The following NLGN1 variants were observed in gnomAD, a reference collection of about 807,000 sequenced individuals.
The protein encoded by NLGN1 is neuroligin 1, also known as neuroligin-1.
In NLGN1, 12 loss-of-function variants were observed where a neutral mutation model predicts 65.5. The ratio of observed to expected loss-of-function variants is 0.18; its 90% CI spans 0.12 to 0.30. The LOEUF (loss-of-function observed/expected upper bound fraction) is 0.30. Among genes scored for constraint, NLGN1 ranks in the 10% least tolerant of loss-of-function variants. The pLI is 1.00. For synonymous variants in NLGN1, 350 were observed against 359.5 expected (o/e 0.97, Z 0.30); for missense variants, 750 against 1,007.1 (o/e 0.74, Z 3.46).
At position 173,553,147 on chromosome 3, in the gene NLGN1, T is replaced by G. The variant is rs115046568; in HGVS notation, c.-320-51132T>G. On this transcript the variant is annotated intron_variant, in intron 2 of 6. Coordinates refer to ENST00000457714, the Ensembl canonical transcript of NLGN1. ...TCCAAATTGTAAATACTTGGAGGATTCGCCTTGAAAATCCAAATTCCCAAA... is the reference window on the plus strand; with the variant it reads ...TCCAAATTGTAAATACTTGGAGGATGCGCCTTGAAAATCCAAATTCCCAAA... Among the ~76,000 whole-genome samples, 401 of 152,306 alleles carry G rather than the reference T, an allele frequency of 2.6e-3. 1 individual carries two copies. Among genetic ancestry groups the G allele is most frequent in the African/African-American group, 8.8e-3 (366 of 41,574 alleles).
chr3:174,095,480 TGTG>T (rs1163130742), intron 4 of NLGN1, among the ~76,000 whole-genome samples: 2 of 104,896 alleles, frequency 1.9e-5, no homozygotes, highest in Admixed American at 8.4e-5. Flanking sequence ...TGTGTATGCT[TGTG>T]TGTGTGTGTG....
intron 2 of NLGN1, among the ~76,000 whole-genome samples, chr3:173,447,074 A>T (rs1165423987): frequency 1.3e-5 from 2 of 151,762 alleles, no homozygotes; most frequent in East Asian, 3.9e-4. Flanking sequence ...TTGAATTAGA[A>T]CCCATTTGTC....
intron 2 of NLGN1, among the ~76,000 whole-genome samples, chr3:173,539,775 C>T (rs1408665933): frequency 9.0e-6 from 1 of 111,000 alleles, no homozygotes; most frequent in Non-Finnish European, 1.7e-5. Context: ...ACATATATAA[C>T]ACATATATAT....
chr3:174,251,374 T>C (rs1744740274), intron 4 of NLGN1, among the ~76,000 whole-genome samples: 1 of 152,174 alleles, frequency 6.6e-6, no homozygotes. Flanking sequence ...GACCTTTTGG[T>C]GAGCTGCCGC....
intron 4 of NLGN1, among the ~76,000 whole-genome samples, chr3:174,192,945 G>A (rs958529601): frequency 2.6e-5 from 4 of 151,496 alleles, no homozygotes; most frequent in Non-Finnish European, 5.9e-5. Flanking sequence ...TTTTAATGTC[G>A]TTTATCCATA....
At chr3:173,806,889 A>G (rs114936716) in intron 3 of NLGN1, among the ~76,000 whole-genome samples, 219 of 152,310 alleles carry the variant, frequency 1.4e-3, no homozygotes, top group African/African-American at 5.1e-3. Context: ...ATCCCATCCC[A>G]TGTCTACATG....
intron 4 of NLGN1, among the ~76,000 whole-genome samples, chr3:174,004,657 T>C (rs11920697): frequency 0.24 from 35,923 of 152,036 alleles, 4,427 homozygotes; most frequent in East Asian, 0.34. Context: ...ATTTTCTGAA[T>C]GCAAAGATGA....
intron 4 of NLGN1, among the ~76,000 whole-genome samples, chr3:174,086,079 ATTC>A (rs1743172097): frequency 6.6e-6 from 1 of 151,872 alleles, no homozygotes; most frequent in South Asian, 2.1e-4. Context: ...TATGAAAGTT[ATTC>A]TTTTCTGATC....
intron 2 of NLGN1, among the ~76,000 whole-genome samples, chr3:173,445,647 C>T (rs953978382): frequency 6.6e-6 from 1 of 152,170 alleles, no homozygotes; most frequent in Non-Finnish European, 1.5e-5. Flanking sequence ...CAGTTTTCTT[C>T]CACATTAAAT....
intron 3 of NLGN1, among the ~76,000 whole-genome samples, chr3:173,802,750 A>T (rs1213824829): frequency 6.6e-6 from 1 of 151,880 alleles, no homozygotes; most frequent in African/African-American, 2.4e-5. Context: ...CCCTCCACCT[A>T]TGCTTCATTT....
intron 4 of NLGN1, among the ~76,000 whole-genome samples, chr3:174,272,726 T>TAGATAGAA (rs1749700312): frequency 6.6e-6 from 1 of 151,162 alleles, no homozygotes; most frequent in Admixed American, 6.6e-5. Flanking sequence ...GATAGAAAGA[T>TAGATAGAA]AGATAGATGA....
At chr3:173,450,595 G>T (rs1215551602) in intron 2 of NLGN1, among the ~76,000 whole-genome samples, 3 of 152,270 alleles carry the variant, frequency 2.0e-5, no homozygotes, top group South Asian at 2.1e-4. Flanking sequence ...TTTCCTGAAT[G>T]TGAATGTTGG....
At chr3:173,935,897 T>G (rs908304982) in intron 4 of NLGN1, among the ~76,000 whole-genome samples, 1 of 151,940 alleles carries the variant, frequency 6.6e-6, no homozygotes, top group African/African-American at 2.4e-5. Context: ...CTAATACAGA[T>G]TTTGAGACAC....
At chr3:173,943,229 C>A (rs554960907) in intron 4 of NLGN1, among the ~76,000 whole-genome samples, 41 of 148,984 alleles carry the variant, frequency 2.8e-4, no homozygotes, top group African/African-American at 5.2e-4. Flanking sequence ...GTCTCAAAAA[C>A]AAAAAAAAAT....
chr3:173,442,340 A>G (rs906788608), intron 2 of NLGN1, among the ~76,000 whole-genome samples: 9 of 152,178 alleles, frequency 5.9e-5, no homozygotes, highest in Admixed American at 3.3e-4. Context: ...TTTTTCATGT[A>G]AAATTACTGA....
intron 2 of NLGN1, among the ~76,000 whole-genome samples, chr3:173,535,053 C>G (rs1227654895): frequency 6.6e-6 from 1 of 152,068 alleles, no homozygotes; most frequent in Admixed American, 6.6e-5. Flanking sequence ...GCTGAGAGTG[C>G]CCGTTTCAAA....
At chr3:173,825,016 C>T (rs1721058079) in intron 4 of NLGN1, among the ~76,000 whole-genome samples, 1 of 151,984 alleles carries the variant, frequency 6.6e-6, no homozygotes, top group Admixed American at 6.6e-5. Context: ...ATCTGGCAGC[C>T]CTAAAGTGGG....
chr3:173,742,711 A>G (rs1475956686), intron 3 of NLGN1, among the ~76,000 whole-genome samples: 3 of 152,192 alleles, frequency 2.0e-5, no homozygotes, highest in Admixed American at 6.5e-5. Flanking sequence ...TTCAGTCTAC[A>G]TTTCTTTTTT....
intron 4 of NLGN1, among the ~76,000 whole-genome samples, chr3:173,951,786 G>T (rs1748269238): frequency 6.6e-6 from 1 of 151,972 alleles, no homozygotes; most frequent in South Asian, 2.1e-4. Flanking sequence ...TCTTATCTCT[G>T]TATCCTATAT....
Sources: allele counts gnomAD v4.1 joint callset (sites outside exome capture counted in the v4.1 genomes callset), GRCh38; gene constraint gnomAD v4.1.1; transcripts MANE v1.5; gene names NCBI Gene and HGNC (gene_info 2026-07-23, HGNC 2026-07-21).